The following PDE1A variants were observed in gnomAD, a reference collection of about 807,000 sequenced individuals.
PDE1A encodes dual specificity calcium/calmodulin-dependent 3',5'-cyclic nucleotide phosphodiesterase 1A.
A neutral mutation model predicts 61.7 loss-of-function variants in PDE1A; 35 were observed. The observed-to-expected ratio is 0.57, with a 90% CI of 0.43 to 0.75. The LOEUF is 0.75. Among genes scored for constraint, PDE1A ranks in the 30% least tolerant of loss-of-function variants. PDE1A has a pLI of 0.00. For synonymous variants in PDE1A, 232 were observed against 213.2 expected (o/e 1.09, Z -0.77); for missense variants, 597 against 630.6 (o/e 0.95, Z 0.57).
the PDE1A span, among the ~76,000 whole-genome samples, chr2:182,606,852 T>C: frequency 2.0e-5 from 3 of 152,136 alleles, no homozygotes; most frequent in Admixed American, 1.3e-4. Flanking sequence ...GAAGAGCAAG[T>C]ACAAAGGTGT....
chr2:182,449,887 A>G (rs1685399277), intron 2 of PDE1A, among the ~76,000 whole-genome samples: 1 of 151,842 alleles, frequency 6.6e-6, no homozygotes, highest in South Asian at 2.1e-4. Flanking sequence ...GTGAATTTTG[A>G]CCCCTCTATA....
At chr2:182,401,009 C>T (rs1008053847) in intron 1 of PDE1A, among the ~76,000 whole-genome samples, 1 of 152,038 alleles carries the variant, frequency 6.6e-6, no homozygotes, top group Non-Finnish European at 1.5e-5. Flanking sequence ...CATAAAAGTT[C>T]TGATTCAGTA....
intron 1 of PDE1A, among the ~76,000 whole-genome samples, chr2:182,409,357 G>C (rs1702482063): frequency 6.6e-6 from 1 of 151,938 alleles, no homozygotes; most frequent in South Asian, 2.1e-4. Flanking sequence ...ATTAAATAAG[G>C]CCCAAGCCTT....
chr2:182,363,102 A>T (rs1259533925), intron 1 of PDE1A, among the ~76,000 whole-genome samples: 2 of 151,932 alleles, frequency 1.3e-5, no homozygotes, highest in Non-Finnish European at 2.9e-5. Context: ...AGGAAAAATA[A>T]CTAAAGGGTA....
In PDE1A at chr2:182,371,785, T is replaced by A. The variant is rs534662288; in HGVS notation, c.53+54793A>T. Among the ~76,000 whole-genome samples the A allele has an allele frequency of 6.6e-5, 10 of 152,118 alleles. No individual in the cohort carries two copies. In the South Asian group the frequency reaches 1.7e-3, roughly 25 times the overall value. On this transcript the variant is annotated intron_variant, in intron 1 of 13. Coordinates refer to ENST00000351439, the Ensembl canonical transcript of PDE1A. ...AATGACCTACAAAATGAATTAACATTTATTTATTTATTTATTTAGAGACAG... is the reference window on the plus strand; with the variant it reads ...AATGACCTACAAAATGAATTAACATATATTTATTTATTTATTTAGAGACAG...
chr2:182,715,089 G>T, the PDE1A span, among the ~76,000 whole-genome samples: 5 of 152,034 alleles, frequency 3.3e-5, no homozygotes, highest in Admixed American at 6.5e-5. Context: ...TTTTCTGTTT[G>T]TTTTTCAATT....
chr2:182,143,616 C>T (rs1056087562), downstream of PDE1A, among the ~76,000 whole-genome samples: 4 of 151,938 alleles, frequency 2.6e-5, no homozygotes, highest in Non-Finnish European at 5.9e-5. Flanking sequence ...CCCGGGTTCA[C>T]GCAATTCTCC....
the PDE1A span, among the ~76,000 whole-genome samples, chr2:182,617,630 T>G: frequency 6.6e-6 from 1 of 152,320 alleles, no homozygotes; most frequent in South Asian, 2.1e-4. Flanking sequence ...GCCTATTCAG[T>G]TCACCCAGTG....
intron 2 of PDE1A, among the ~76,000 whole-genome samples, chr2:182,243,851 T>C (rs957642483): frequency 2.0e-5 from 3 of 152,122 alleles, no homozygotes; most frequent in Non-Finnish European, 4.4e-5. Flanking sequence ...GTCTTAATGG[T>C]ATATTATTTT....
intron 13 of PDE1A, among the ~76,000 whole-genome samples, chr2:182,169,220 C>G (rs1258804935): frequency 6.6e-6 from 1 of 151,876 alleles, no homozygotes; most frequent in Non-Finnish European, 1.5e-5. Flanking sequence ...ATTTACCAGA[C>G]TTTACATTGA....
At chr2:182,712,368 A>G in the PDE1A span, among the ~76,000 whole-genome samples, 1 of 152,334 alleles carries the variant, frequency 6.6e-6, no homozygotes, top group Admixed American at 6.5e-5. Flanking sequence ...ATAAGATATC[A>G]GTGTTAATTT....
At chr2:182,393,764 C>T (rs987386267) in intron 1 of PDE1A, among the ~76,000 whole-genome samples, 3 of 152,194 alleles carry the variant, frequency 2.0e-5, no homozygotes, top group African/African-American at 7.2e-5. Flanking sequence ...TTCCACAGAT[C>T]TCCAGGGCAG....
chr2:182,240,325 T>C (rs1417685597), intron 2 of PDE1A, 33 bp from the exon 3 acceptor site: 12 of 1,371,404 alleles, frequency 8.8e-6, no homozygotes, highest in African/African-American at 1.5e-5. Flanking sequence ...AACTTTTTTA[T>C]AAAAAAGTGA....
chr2:182,416,817 C>T (rs564552214), intron 1 of PDE1A, among the ~76,000 whole-genome samples: 1 of 152,242 alleles, frequency 6.6e-6, no homozygotes, highest in African/African-American at 2.4e-5. Context: ...TTAGAGTAAA[C>T]GAGTTTTACT....
chr2:182,269,933 A>G (rs755511973), intron 1 of PDE1A, among the ~76,000 whole-genome samples: 1 of 152,164 alleles, frequency 6.6e-6, no homozygotes, highest in African/African-American at 2.4e-5. Flanking sequence ...GGCTATTGGT[A>G]TATACCTTCA....
chr2:182,632,909 T>A, the PDE1A span, among the ~76,000 whole-genome samples: 1 of 152,350 alleles, frequency 6.6e-6, no homozygotes, highest in East Asian at 1.9e-4. Flanking sequence ...AGCACAATTA[T>A]TTCCCAAAAG....
the PDE1A span, among the ~76,000 whole-genome samples, chr2:182,648,599 G>T: frequency 7.3e-5 from 11 of 150,962 alleles, no homozygotes; most frequent in African/African-American, 2.7e-4. Flanking sequence ...TGCCTGGGAG[G>T]CTGAGGGAGG....
rs1692456472 is a variant in PDE1A, at chr2:182,264,437, G to C, written c.54-23C>G. 9 of 1,529,720 alleles carry C rather than the reference G, an allele frequency of 5.9e-6. No individual in the cohort carries two copies. In the South Asian group the frequency reaches 1.0e-4, roughly 17 times the overall value. 94.8% of individuals were successfully genotyped at this position (1,529,720 alleles called of 1,614,324 possible). A position where few individuals can be genotyped will look rare whatever the true frequency, so the allele number is the denominator to read the frequency against. On this transcript the variant is annotated intron_variant, in intron 1 of 13. Transcript: ENST00000351439. ...AGTCTATTTCAAAAAAGTAGCCAAA[G>C]AGAGAAAGAGCAAGGAATTTATTGT...
chr2:182,632,155 GAC>G, the PDE1A span, among the ~76,000 whole-genome samples: 1 of 152,002 alleles, frequency 6.6e-6, no homozygotes, highest in Non-Finnish European at 1.5e-5. Flanking sequence ...CACACCAAGA[GAC>G]AGAGAGAGAG....
Sources: gnomAD v4.1 joint callset for allele counts (sites outside exome capture counted in the v4.1 genomes callset) on GRCh38, gnomAD v4.1.1 for gene constraint, MANE v1.5 for transcripts, NCBI Gene and HGNC (gene_info 2026-07-23, HGNC 2026-07-21) for gene names.